Variants in LYN observed in about 807,000 individuals in gnomAD.
LYN encodes the protein tyrosine-protein kinase Lyn.
LYN carries 12 observed loss-of-function variants against 65.0 expected under a neutral mutation model. The ratio of observed to expected loss-of-function variants is 0.18; its 90% CI spans 0.12 to 0.30. The LOEUF (loss-of-function observed/expected upper bound fraction) is 0.30, where lower values mean the gene tolerates loss of function less well. Among genes scored for constraint, LYN ranks in the 10% least tolerant of loss-of-function variants. LYN has a pLI of 1.00. For synonymous variants in LYN, 222 were observed against 221.2 expected (o/e 1.00, Z -0.03); for missense variants, 380 against 623.2 (o/e 0.61, Z 4.16).
At chr8:55,904,511 C>G (rs1019214550) in intron 1 of LYN, among the ~76,000 whole-genome samples, 19 of 152,162 alleles carry the variant, frequency 1.2e-4, no homozygotes, top group Non-Finnish European at 8.8e-5. Context: ...CCAGTCCCCA[C>G]CCTTTAATAG....
intron 12 of LYN, among the ~76,000 whole-genome samples, chr8:56,003,928 C>CTTTTT (rs1213079280): frequency 3.2e-4 from 33 of 104,688 alleles, no homozygotes; most frequent in East Asian, 5.6e-4. Context: ...ATATTTTATT[C>CTTTTT]TTTTTTTTTT....
chr8:55,911,146 T>TGTATATATATGTACATATATATAC (rs1283389016), intron 1 of LYN, among the ~76,000 whole-genome samples: 4 of 30,486 alleles, frequency 1.3e-4, no homozygotes, highest in Non-Finnish European at 2.1e-4. Flanking sequence ...TATATATACG[T>TGTATATATATGTACATATATATAC]GTATATATAT....
In LYN at chr8:56,010,784, C is replaced by T. The variant is rs1808793342; in HGVS notation, c.*674C>T. 1 of 230,892 alleles carries T rather than the reference C, an allele frequency of 4.3e-6. No individual in the cohort carries two copies. Among genetic ancestry groups the T allele is most frequent in the African/African-American group, 2.2e-5 (1 of 45,196 alleles). 14.3% of individuals were successfully genotyped at this position (230,892 alleles called of 1,614,324 possible). On this transcript the variant is annotated 3_prime_UTR_variant, in exon 13 of 13. Coordinates refer to ENST00000519728, the MANE Select transcript of LYN (RefSeq NM_002350.4). ...CTCTCTCTCTTCCAGCAGGAGGAGCCCGTGAGCACGCACAGCTGCCCTGTC... is the reference window on the plus strand; with the variant it reads ...CTCTCTCTCTTCCAGCAGGAGGAGCTCGTGAGCACGCACAGCTGCCCTGTC...
intron 10 of LYN, among the ~76,000 whole-genome samples, chr8:55,991,446 T>C (rs528573764): frequency 6.6e-6 from 1 of 152,286 alleles, no homozygotes; most frequent in East Asian, 1.9e-4. Context: ...TCTCATTGTA[T>C]GTTACAAAGG....
intron 11 of LYN, among the ~76,000 whole-genome samples, chr8:55,998,780 T>C (rs1251108479): frequency 6.6e-6 from 1 of 152,258 alleles, no homozygotes; most frequent in Non-Finnish European, 1.5e-5. Flanking sequence ...AGATGATTCT[T>C]GTTTATTTTG....
intron 8 of LYN, among the ~76,000 whole-genome samples, chr8:55,963,838 C>T (rs1807360630): frequency 6.6e-6 from 1 of 152,060 alleles, no homozygotes. Flanking sequence ...TATGTATTTT[C>T]ATCTATTTTA....
At chr8:55,977,176 ACT>A (rs1272968402) in intron 10 of LYN, among the ~76,000 whole-genome samples, 3 of 151,288 alleles carry the variant, frequency 2.0e-5, no homozygotes, top group Non-Finnish European at 4.4e-5. Context: ...CAAGAGCAAG[ACT>A]CTGTCTCAAA....
chr8:56,001,381 T>C (rs1172620950), intron 12 of LYN, among the ~76,000 whole-genome samples: 2 of 152,310 alleles, frequency 1.3e-5, no homozygotes, highest in Middle Eastern at 3.4e-3. Flanking sequence ...GCAGCCCCTC[T>C]TACTCTGCTG....
At chr8:55,968,527 A>AATT (rs1374654723) in intron 9 of LYN, among the ~76,000 whole-genome samples, 9 of 152,228 alleles carry the variant, frequency 5.9e-5, no homozygotes, top group Non-Finnish European at 1.2e-4. Flanking sequence ...AAAGTGCTGG[A>AATT]ATTATAGGTG....
intron 6 of LYN, among the ~76,000 whole-genome samples, chr8:55,951,385 G>T (rs545119080): frequency 3.9e-5 from 6 of 152,068 alleles, no homozygotes; most frequent in South Asian, 4.2e-4. Flanking sequence ...AGAAAATTAG[G>T]CTGGGCGTGG....
chr8:55,923,577 T>A (rs920635381), intron 1 of LYN, among the ~76,000 whole-genome samples: 3 of 152,134 alleles, frequency 2.0e-5, no homozygotes, highest in Non-Finnish European at 4.4e-5. Flanking sequence ...TCTTGCTCTG[T>A]CCCCACAGGC....
At position 55,935,025 on chromosome 8, in the gene LYN, C is replaced by T. The variant is rs79490546; in HGVS notation, c.-5-6830C>T. ...GTGGAGGTGATGCCCACACCATGGA[C>T]GGAAGCAGCTCCACGGGCCATGGTC... On this transcript the variant is annotated intron_variant, in intron 1 of 12. Coordinates refer to ENST00000519728, the MANE Select transcript of LYN (RefSeq NM_002350.4). Among the ~76,000 whole-genome samples, 1,577 of 152,056 alleles carry T rather than the reference C, an allele frequency of 0.01. 105 individuals carry two copies. The East Asian group carries it at 0.17, about 17-fold the overall frequency.
chr8:55,964,196 C>G lies in LYN; in HGVS notation c.791-2519C>G, dbSNP rs563555868. ...ACTATCTTCTCCATATGTTCTAACA[C>G]TTATCTTGTACTGCATTTTTCTTTT... is the stretch of plus-strand genomic sequence containing the variant. On this transcript the variant is annotated intron_variant, in intron 8 of 12. Coordinates refer to ENST00000519728, the MANE Select transcript of LYN (RefSeq NM_002350.4). Among the ~76,000 whole-genome samples, 26 of 152,056 alleles carry G rather than the reference C, an allele frequency of 1.7e-4. 1 individual carries two copies. Among genetic ancestry groups the G allele is most frequent in the African/African-American group, 6.3e-4 (26 of 41,502 alleles).
chr8:55,915,186 T>C (rs1674798844), intron 1 of LYN, among the ~76,000 whole-genome samples: 1 of 152,214 alleles, frequency 6.6e-6, no homozygotes, highest in Admixed American at 6.5e-5. Flanking sequence ...CCAACCTCTC[T>C]GGCATTCTAG....
chr8:55,904,143 A>G (rs867104428), intron 1 of LYN, among the ~76,000 whole-genome samples: 1 of 152,238 alleles, frequency 6.6e-6, no homozygotes. Context: ...ATTAAAAAAA[A>G]TAATAGCAGG....
intron 1 of LYN, among the ~76,000 whole-genome samples, chr8:55,880,903 G>A (rs899344579): frequency 6.6e-6 from 1 of 152,222 alleles, no homozygotes; most frequent in Non-Finnish European, 1.5e-5. Context: ...CTTTCCAACA[G>A]CCTGCCTGTC....
chr8:55,982,185 C>G (rs1807945901), intron 10 of LYN, among the ~76,000 whole-genome samples: 1 of 152,200 alleles, frequency 6.6e-6, no homozygotes, highest in Non-Finnish European at 1.5e-5. Context: ...ACATCATTAT[C>G]TGGCAATGTT....
Position 56,010,501 on chromosome 8 carries a change from C to T in LYN, c.*391C>T. 1 of 273,934 alleles carries T rather than the reference C, an allele frequency of 3.7e-6. No homozygotes were observed. The highest frequency in any genetic ancestry group is 8.2e-5 in the South Asian group (1 of 12,252). 17.0% of individuals were successfully genotyped at this position (273,934 alleles called of 1,614,324 possible). On this transcript the variant is annotated 3_prime_UTR_variant, in exon 13 of 13. Transcript: ENST00000519728. ...AATCCCCAATAATTGCAGAACTAAACTCATTTATAAAGCTAAAATAACCGG... is the reference window on the plus strand; with the variant it reads ...AATCCCCAATAATTGCAGAACTAAATTCATTTATAAAGCTAAAATAACCGG...
chr8:55,986,769 A>G (rs1808084824), intron 10 of LYN, among the ~76,000 whole-genome samples: 1 of 152,192 alleles, frequency 6.6e-6, no homozygotes, highest in African/African-American at 2.4e-5. Flanking sequence ...CTGTTGTCCT[A>G]GGCTAGAGAG....
Sources: allele counts gnomAD v4.1 joint callset (sites outside exome capture counted in the v4.1 genomes callset), GRCh38; gene constraint gnomAD v4.1.1; transcripts MANE v1.5; gene names NCBI Gene and HGNC (gene_info 2026-07-23, HGNC 2026-07-21).